SDC3: variants seen among roughly 807,000 people sequenced by gnomAD.
The protein encoded by SDC3 is syndecan-3.
SDC3 carries 13 observed loss-of-function variants against 24.4 expected under a neutral mutation model. The ratio of observed to expected loss-of-function variants is 0.53; its 90% CI spans 0.35 to 0.85. The LOEUF (loss-of-function observed/expected upper bound fraction) is 0.85. Among genes scored for constraint, SDC3 ranks in the 40% least tolerant of loss-of-function variants. The pLI is 0.01. For synonymous variants in SDC3, 295 were observed against 260.9 expected, an observed-to-expected ratio of 1.13 and a Z score of -1.26; for missense variants, 571 against 584.5, an observed-to-expected ratio of 0.98 and a Z score of 0.24.
chr1:30,894,034 G>A (rs935533802), intron 1 of SDC3, among the ~76,000 whole-genome samples: 2 of 152,122 alleles, frequency 1.3e-5, no homozygotes, highest in African/African-American at 4.8e-5. Context: ...CAGATGACCA[G>A]CTGCCCCTCT....
At chr1:30,888,391 C>G (rs767485629) in intron 1 of SDC3, among the ~76,000 whole-genome samples, 7 of 152,152 alleles carry the variant, frequency 4.6e-5, no homozygotes, top group Non-Finnish European at 1.0e-4. Flanking sequence ...CTCCAGGGAC[C>G]TCGCCAGCCC....
rs1407079044 is a variant in SDC3, at chr1:30,869,868, A to G, written c.*3343T>C. The G allele has an allele frequency of 1.0e-5, 4 of 398,430 alleles. No individual in the cohort carries two copies. The highest frequency in any genetic ancestry group is 1.8e-5 in the Non-Finnish European group (4 of 226,104). The allele number at this position is 398,430 out of a possible 1,614,324, so 24.7% of individuals were successfully genotyped here. A position where few individuals can be genotyped will look rare whatever the true frequency, so the allele number is the denominator to read the frequency against. On this transcript the variant is annotated 3_prime_UTR_variant, in exon 5 of 5. Coordinates refer to ENST00000339394, the MANE Select transcript of SDC3 (RefSeq NM_014654.4). ...TGGAGCCACGCTGCCTACGAAAAAT[A>G]TTTACATGCATTTGCCACGCTGAGG... is the stretch of plus-strand genomic sequence containing the variant.
In SDC3 at chr1:30,874,687, T is replaced by C. The variant is rs966103621; in HGVS notation, c.871-99A>G. On this transcript the variant is annotated intron_variant, in intron 3 of 4. Transcript: ENST00000339394. ...TGGGGGGCTAACACTTAGCACTCCC[T>C]ACATGCCAGGCACTGTGCTACACAC... is the stretch of plus-strand genomic sequence containing the variant. The C allele has an allele frequency of 6.4e-6, 7 of 1,090,176 alleles. No individual in the cohort carries two copies. In the African/African-American group the frequency reaches 1.1e-4, roughly 17 times the overall value. The allele number at this position is 1,090,176 out of a possible 1,614,324, so 67.5% of individuals were successfully genotyped here.
chr1:30,878,847 G>C, intron 1 of SDC3, 107 bp from the exon 2 acceptor site: 1 of 823,942 alleles, frequency 1.2e-6, no homozygotes, highest in Non-Finnish European at 2.1e-6. Flanking sequence ...ATCCACGTGG[G>C]TGACAGAGAT....
intron 1 of SDC3, among the ~76,000 whole-genome samples, chr1:30,905,093 G>A (rs1049134841): frequency 3.9e-5 from 6 of 152,086 alleles, no homozygotes; most frequent in African/African-American, 1.4e-4. Context: ...AGGGGAGATG[G>A]TTCACCCAAG....
intron 1 of SDC3, among the ~76,000 whole-genome samples, chr1:30,885,509 C>T (rs780956251): frequency 6.6e-6 from 1 of 152,206 alleles, no homozygotes; most frequent in Non-Finnish European, 1.5e-5. Flanking sequence ...AGTCTCCATC[C>T]CTGGTGTTCT....
intron 2 of SDC3, chr1:30,877,546 A>AC: frequency 2.2e-6 from 1 of 451,104 alleles, no homozygotes; most frequent in Non-Finnish European, 4.0e-6. Context: ...GAAGAGTCAG[A>AC]CCCCAAAGGC....
chr1:30,877,312 G>A (rs1639662949), intron 2 of SDC3, 147 bp from the exon 3 acceptor site: 2 of 1,081,744 alleles, frequency 1.8e-6, no homozygotes, highest in East Asian at 5.2e-5. Flanking sequence ...GAGAAAGGAG[G>A]AAGGCACAGC....
chr1:30,872,660 C>T lies in SDC3; in HGVS notation c.*551G>A, dbSNP rs1216124274. ...GCAGGCAAGAGGAGAGATTCAACAA[C>T]CCCAGAGAGACCAGGACAAAACAGG... On this transcript the variant is annotated 3_prime_UTR_variant, in exon 5 of 5. Transcript: ENST00000339394. 1 of 155,082 alleles carries T rather than the reference C, an allele frequency of 6.4e-6. No individual in the cohort carries two copies. The highest frequency in any genetic ancestry group is 2.4e-5 in the African/African-American group (1 of 41,456). 9.6% of individuals were successfully genotyped at this position (155,082 alleles called of 1,614,324 possible).
chr1:30,907,181 G>C (rs1638534089), intron 1 of SDC3, among the ~76,000 whole-genome samples: 1 of 152,228 alleles, frequency 6.6e-6, no homozygotes, highest in Admixed American at 6.5e-5. Context: ...GGGGGATGCA[G>C]GACAGCATAG....
At chr1:30,895,859 T>G (rs1168673330) in intron 1 of SDC3, among the ~76,000 whole-genome samples, 55 of 7,396 alleles carry the variant, frequency 7.4e-3, no homozygotes, top group South Asian at 0.015. Context: ...AGGAGGAGGG[T>G]GGGAGGAGGG....
upstream of SDC3, chr1:30,908,761 C>A (rs1392639617): frequency 6.7e-6 from 1 of 150,286 alleles, no homozygotes; most frequent in South Asian, 2.0e-4. Flanking sequence ...GCGCCCACAG[C>A]GGCCGCGCCC....
chr1:30,878,777 C>G (rs371855932), intron 1 of SDC3, 37 bp from the exon 2 acceptor site: 2 of 1,578,490 alleles, frequency 1.3e-6, no homozygotes, highest in Middle Eastern at 1.7e-4. Context: ...GCTCGGCACC[C>G]GAGACTGGCA....
intron 1 of SDC3, among the ~76,000 whole-genome samples, chr1:30,883,904 G>C (rs558191882): frequency 4.6e-5 from 7 of 152,288 alleles, no homozygotes; most frequent in South Asian, 2.1e-4. Flanking sequence ...ATCCCTGCAG[G>C]CTCCGTCCCC....
In SDC3 at chr1:30,908,654, G is replaced by A. The variant is rs930159758; in HGVS notation, c.-68C>T. 5.0e-6 allele frequency: 3 copies of A among 604,686 alleles called. No individual in the cohort carries two copies. Among genetic ancestry groups the A allele is most frequent in the Admixed American group, 6.6e-5 (1 of 15,216 alleles). The allele number at this position is 604,686 out of a possible 1,614,324, so 37.5% of individuals were successfully genotyped here. On this transcript the variant is annotated 5_prime_UTR_variant, in exon 1 of 5. Transcript: ENST00000339394. ...TTTGTTCCCGAGGCGCGGCGCGCGGGGCGGCTGCTTGGCGGCGGCGCGGCC... is the reference window on the plus strand; with the variant it reads ...TTTGTTCCCGAGGCGCGGCGCGCGGAGCGGCTGCTTGGCGGCGGCGCGGCC...
At chr1:30,879,112 G>T (rs1006110782) in intron 1 of SDC3, 17 of 195,274 alleles carry the variant, frequency 8.7e-5, no homozygotes, top group African/African-American at 3.9e-4. Context: ...TGGGGCATGT[G>T]TGAGCAGGCG....
chr1:30,879,403 C>A (rs1389373501), intron 1 of SDC3, among the ~76,000 whole-genome samples: 1 of 152,204 alleles, frequency 6.6e-6, no homozygotes, highest in Non-Finnish European at 1.5e-5. Flanking sequence ...AGTGTAATTT[C>A]TCCCGTGACG....
intron 1 of SDC3, among the ~76,000 whole-genome samples, chr1:30,898,602 G>A (rs1638334987): frequency 6.6e-6 from 1 of 152,156 alleles, no homozygotes; most frequent in African/African-American, 2.4e-5. Context: ...GATGGGCAAG[G>A]AAAGAGATGC....
At chr1:30,901,875 A>C (rs898118313) in intron 1 of SDC3, among the ~76,000 whole-genome samples, 1 of 152,168 alleles carries the variant, frequency 6.6e-6, no homozygotes, top group Non-Finnish European at 1.5e-5. Context: ...TATTTACTTT[A>C]TTACTTTATA....
Sources: allele counts gnomAD v4.1 joint callset (sites outside exome capture counted in the v4.1 genomes callset), GRCh38; gene constraint gnomAD v4.1.1; transcripts MANE v1.5; gene names NCBI Gene and HGNC (gene_info 2026-07-23, HGNC 2026-07-21).